ARHGAP12: variants seen among roughly 807,000 people sequenced by gnomAD.
ARHGAP12 encodes rho GTPase-activating protein 12.
ARHGAP12 carries 64 observed loss-of-function variants against 108.6 expected under a neutral mutation model. The observed-to-expected ratio is 0.59, with a 90% CI of 0.48 to 0.73. The LOEUF is 0.73. Among genes scored for constraint, ARHGAP12 ranks in the 30% least tolerant of loss-of-function variants. ARHGAP12 has a pLI of 0.00. For missense variants in ARHGAP12, 940 were observed against 1,005.9 expected (o/e 0.93, Z 0.89); for synonymous variants, 312 against 337.2 (o/e 0.93, Z 0.82).
intron 6 of ARHGAP12, among the ~76,000 whole-genome samples, chr10:31,843,962 T>G (rs1023510822): frequency 3.9e-5 from 6 of 152,220 alleles, no homozygotes; most frequent in African/African-American, 1.4e-4. Context: ...AAATATTAAC[T>G]ATCATAATTT....
At position 31,827,530 on chromosome 10, in the gene ARHGAP12, G is replaced by A. The variant is rs1167826116; in HGVS notation, c.1449-1145C>T. ...CTCTAGGCCGGGTGCGGTGGCTCAC[G>A]CCTGTAATCCCAGCACTTTGGGAGG... On this transcript the variant is annotated intron_variant, in intron 10 of 19. Transcript: ENST00000344936. 3.7e-4 allele frequency among the ~76,000 whole-genome samples: 56 copies of A among 152,134 alleles called. 2 individuals carry two copies. Among genetic ancestry groups the A allele is most frequent in the Admixed American group, 2.8e-3 (43 of 15,270 alleles).
chr10:31,833,051 ATT>A (rs549029749), intron 9 of ARHGAP12, among the ~76,000 whole-genome samples: 5 of 147,606 alleles, frequency 3.4e-5, no homozygotes, highest in African/African-American at 9.9e-5. Flanking sequence ...TATGTGTGAG[ATT>A]TTTTTTTTTT....
intron 4 of ARHGAP12, 102 bp from the exon 5 acceptor site, chr10:31,854,308 T>G (rs1431613468): frequency 7.3e-6 from 7 of 961,044 alleles, no homozygotes; most frequent in Non-Finnish European, 1.0e-5. Flanking sequence ...AGTATGAAGA[T>G]ATCTTAAATA....
chr10:31,830,855 C>G (rs1189815408), intron 10 of ARHGAP12, among the ~76,000 whole-genome samples: 1 of 152,198 alleles, frequency 6.6e-6, no homozygotes, highest in African/African-American at 2.4e-5. Context: ...ATCATTTTCT[C>G]TCTTCTCTCT....
chr10:31,891,310 T>C (rs1005984129), intron 3 of ARHGAP12, among the ~76,000 whole-genome samples: 2 of 152,236 alleles, frequency 1.3e-5, no homozygotes, highest in East Asian at 3.8e-4. Flanking sequence ...CATTTGTTTG[T>C]GGAGGATTTT....
chr10:31,916,880 G>A (rs1335101941), intron 1 of ARHGAP12, among the ~76,000 whole-genome samples: 1 of 151,974 alleles, frequency 6.6e-6, no homozygotes, highest in Non-Finnish European at 1.5e-5. Context: ...CTCCCAAAGT[G>A]CTGGGATTAC....
chr10:31,895,192 A>C (rs1838627391), intron 3 of ARHGAP12, among the ~76,000 whole-genome samples: 1 of 152,250 alleles, frequency 6.6e-6, no homozygotes, highest in Non-Finnish European at 1.5e-5. Context: ...GGCATGGGCA[A>C]GGACTTCATG....
intron 7 of ARHGAP12, among the ~76,000 whole-genome samples, chr10:31,841,357 A>G (rs1169316920): frequency 6.6e-6 from 1 of 152,186 alleles, no homozygotes; most frequent in Non-Finnish European, 1.5e-5. Flanking sequence ...TTGCTATACA[A>G]TAATAGATGG....
At chr10:31,897,200 A>G (rs1352791280) in intron 3 of ARHGAP12, among the ~76,000 whole-genome samples, 2 of 152,198 alleles carry the variant, frequency 1.3e-5, no homozygotes, top group South Asian at 2.1e-4. Context: ...GTCATTCATC[A>G]TAACAAAGAC....
At chr10:31,860,837 T>A (rs922816612) in intron 4 of ARHGAP12, among the ~76,000 whole-genome samples, 1 of 152,082 alleles carries the variant, frequency 6.6e-6, no homozygotes, top group Non-Finnish European at 1.5e-5. Flanking sequence ...TCCTAGCACT[T>A]TGGGAGGCTG....
In ARHGAP12 at chr10:31,809,285, G is replaced by A. The variant is rs777194557; in HGVS notation, c.2073C>T (p.Tyr691=). The stretch of plus-strand genomic sequence containing the variant: ...TCACTGCGAGGTTGCCACTTACTCT[G>A]TATATCCCATCAATATCCAAACCTA... The part of the protein sequence containing the change: ...EEHGLDIDGI[Y]RVSGNLAVIQ... Residue 691 remains tyrosine (Y), a synonymous_variant, in exon 17 of 20, where the codon TAC becomes TAT. Coordinates refer to ENST00000344936, the MANE Select transcript of ARHGAP12 (RefSeq NM_018287.7). The A allele has an allele frequency of 5.6e-6, 9 of 1,613,808 alleles. No individual in the cohort carries two copies. The Admixed American group carries it at 6.7e-5, about 12-fold the overall frequency.
rs149761126 is a variant in ARHGAP12 at position 31,861,632 on chromosome 10, C to T, written c.711G>A (p.Arg237=). 19 of 1,607,944 alleles carry T rather than the reference C, an allele frequency of 1.2e-5. No homozygotes were observed. The African/African-American group carries it at 2.3e-4, about 19-fold the overall frequency. Residue 237 remains arginine (R), a synonymous_variant, in exon 4 of 20, where the codon AGG becomes AGA. Transcript: ENST00000344936. ...IRATTPPNQG[R]PDSPVYANLQ... ...GGTTAGCATAGACAGGAGAATCTGG[C>T]CTTCCTTGATTTGGAGGTGTGGTTG...
At chr10:31,844,857 G>A (rs949158819) in intron 6 of ARHGAP12, among the ~76,000 whole-genome samples, 1 of 151,908 alleles carries the variant, frequency 6.6e-6, no homozygotes. Context: ...CCCTATTCAG[G>A]AATATTTTGA....
chr10:31,826,428 T>A (rs776916066), intron 10 of ARHGAP12, 43 bp from the exon 11 acceptor site: 1 of 1,540,354 alleles, frequency 6.5e-7, no homozygotes, highest in Admixed American at 1.9e-5. Flanking sequence ...AATCTCGAGT[T>A]CTTTCAGCCA....
chr10:31,859,392 G>A (rs1040267828), intron 4 of ARHGAP12, among the ~76,000 whole-genome samples: 1 of 152,200 alleles, frequency 6.6e-6, no homozygotes, highest in East Asian at 1.9e-4. Flanking sequence ...ACAATTGTGA[G>A]AGAAAATAAT....
chr10:31,925,312 GAGC>G (rs1476083960), intron 1 of ARHGAP12, among the ~76,000 whole-genome samples: 3 of 152,176 alleles, frequency 2.0e-5, no homozygotes, highest in Non-Finnish European at 4.4e-5. Context: ...AACTTTTAGT[GAGC>G]AATGGAATAA....
intron 5 of ARHGAP12, among the ~76,000 whole-genome samples, chr10:31,852,811 A>G (rs950335138): frequency 7.5e-6 from 1 of 132,840 alleles, no homozygotes; most frequent in Admixed American, 8.9e-5. Context: ...TCCACCTCCC[A>G]GGTTCAAGCA....
intron 12 of ARHGAP12, among the ~76,000 whole-genome samples, chr10:31,820,159 G>C (rs928991765): frequency 6.6e-6 from 1 of 151,914 alleles, no homozygotes; most frequent in African/African-American, 2.4e-5. Context: ...GCAAAAGATA[G>C]GATTTGTGAA....
chr10:31,810,683 A>T lies in ARHGAP12; in HGVS notation c.2016T>A (p.Phe672Leu). Residue 672 changes from phenylalanine to leucine, a missense_variant, in exon 16 of 20, where the codon TTT becomes TTA. Transcript: ENST00000344936. ...CQRENGTVPKFVKLCIEHVEE... is the reference protein window; with the variant it reads ...CQRENGTVPKLVKLCIEHVEE... The stretch of plus-strand genomic sequence containing the variant: ...CAACATGTTCAATACATAACTTCAC[A>T]AACTTTGGTACTGTGCCATTCTCTC... 6.2e-7 allele frequency: 1 copy of T among 1,605,030 alleles called. No individual in the cohort carries two copies. The highest frequency in any genetic ancestry group is 8.5e-7 in the Non-Finnish European group (1 of 1,176,560).
Sources: gnomAD v4.1 joint callset for allele counts (sites outside exome capture counted in the v4.1 genomes callset) on GRCh38, gnomAD v4.1.1 for gene constraint, MANE v1.5 for transcripts, NCBI Gene and HGNC (gene_info 2026-07-23, HGNC 2026-07-21) for gene names.